The following SLC18A2 variants were observed in gnomAD, a reference collection of about 807,000 sequenced individuals.
SLC18A2 encodes solute carrier family 18 member A2, also known as synaptic vesicular amine transporter.
A neutral mutation model predicts 59.2 loss-of-function variants in SLC18A2; 33 were observed. The observed-to-expected ratio is 0.56, with a 90% CI of 0.42 to 0.75. The LOEUF (loss-of-function observed/expected upper bound fraction) is 0.75. Ranked by LOEUF, SLC18A2 falls within the 30% of genes least tolerant of loss-of-function variation. The pLI is 0.00. For synonymous variants in SLC18A2, 228 were observed against 253.5 expected, an observed-to-expected ratio of 0.90 and a Z score of 0.95; for missense variants, 569 against 668.6, an observed-to-expected ratio of 0.85 and a Z score of 1.64.
intron 2 of SLC18A2, 26 bp from the exon 3 acceptor site, chr10:117,243,945 C>A (rs1565000680): frequency 6.3e-7 from 1 of 1,583,130 alleles, no homozygotes; most frequent in African/African-American, 1.3e-5. Context: ...GTGATCACCA[C>A]CTTGCCATTC....
intron 10 of SLC18A2, among the ~76,000 whole-genome samples, 161 bp from the exon 11 acceptor site, chr10:117,266,572 C>T (rs1305202345): frequency 1.3e-5 from 2 of 152,228 alleles, no homozygotes; most frequent in Non-Finnish European, 2.9e-5. Context: ...CACGTGGGTC[C>T]AGACCGGATC....
chr10:117,259,519 A>G (rs1364996367), intron 10 of SLC18A2, among the ~76,000 whole-genome samples: 1 of 152,138 alleles, frequency 6.6e-6, no homozygotes, highest in Non-Finnish European at 1.5e-5. Flanking sequence ...AGCCTCCCAC[A>G]GCTTCCTGAG....
chr10:117,254,286 T>C, intron 5 of SLC18A2, 119 bp from the exon 6 acceptor site: 1 of 1,165,800 alleles, frequency 8.6e-7, no homozygotes, highest in South Asian at 1.4e-5. Flanking sequence ...TCTTACATTT[T>C]AGTGAATCTG....
intron 10 of SLC18A2, 63 bp from the exon 11 acceptor site, chr10:117,266,670 T>C (rs985382069): frequency 1.1e-5 from 14 of 1,260,594 alleles, no homozygotes; most frequent in Middle Eastern, 1.9e-4. Flanking sequence ...TCTACAGTTA[T>C]TACTTTTTCT....
At chr10:117,270,606 CTTCTT>C (rs1283445898) in intron 15 of SLC18A2, 143 bp downstream of exon 15, 4 of 869,248 alleles carry the variant, frequency 4.6e-6, no homozygotes, top group Non-Finnish European at 5.1e-6. Flanking sequence ...AGAGCAGTTA[CTTCTT>C]TTATTTTTTT....
chr10:117,263,169 C>A (rs1844313787), intron 10 of SLC18A2, among the ~76,000 whole-genome samples: 1 of 152,212 alleles, frequency 6.6e-6, no homozygotes, highest in South Asian at 2.1e-4. Context: ...CCTGTGTCAG[C>A]ACCAGCAGGA....
chr10:117,257,954 C>A, intron 10 of SLC18A2, 62 bp downstream of exon 10: 2 of 1,161,394 alleles, frequency 1.7e-6, no homozygotes, highest in Non-Finnish European at 2.5e-6. Flanking sequence ...GCCTTTGTCC[C>A]CAGGGCATCC....
At chr10:117,270,302 C>T (rs767842235) in intron 14 of SLC18A2, 28 bp from the exon 15 acceptor site, 1 of 1,613,992 alleles carries the variant, frequency 6.2e-7, no homozygotes. Context: ...TTTGGAAGAG[C>T]TTTATCTAAT....
At chr10:117,275,115 G>A (rs1844470589) in intron 15 of SLC18A2, among the ~76,000 whole-genome samples, 3 of 152,162 alleles carry the variant, frequency 2.0e-5, no homozygotes, top group South Asian at 4.1e-4. Flanking sequence ...TGTGTTACAT[G>A]GGGAGAACGG....
At chr10:117,273,282 C>A (rs1844447479) in intron 15 of SLC18A2, among the ~76,000 whole-genome samples, 1 of 152,146 alleles carries the variant, frequency 6.6e-6, no homozygotes, top group African/African-American at 2.4e-5. Context: ...CAGGAAATAT[C>A]AACATTACCA....
intron 3 of SLC18A2, among the ~76,000 whole-genome samples, chr10:117,246,134 CA>C (rs1428898413): frequency 6.6e-6 from 1 of 152,148 alleles, no homozygotes. Flanking sequence ...GGTATAATTA[CA>C]GAAAATAGCT....
intron 15 of SLC18A2, among the ~76,000 whole-genome samples, chr10:117,273,280 A>G (rs1844447372): frequency 6.6e-6 from 1 of 152,226 alleles, no homozygotes; most frequent in African/African-American, 2.4e-5. Context: ...TACAGGAAAT[A>G]TCAACATTAC....
Position 117,267,088 on chromosome 10 carries a change from C to G in SLC18A2, c.1122+53C>G, listed in dbSNP as rs180874169. ...GGGAACAATCTGTGAATAAAACTTG[C>G]GCTTTGGGCAAGAATCACCAAGAAA... On this transcript the variant is annotated intron_variant, in intron 12 of 15. Coordinates refer to ENST00000644641, the MANE Select transcript of SLC18A2 (RefSeq NM_003054.6). 1,357 of 1,397,002 alleles carry G rather than the reference C, an allele frequency of 9.7e-4. 1 individual carries two copies. The highest frequency in any genetic ancestry group is 1.3e-3 in the Non-Finnish European group (1,284 of 993,468). 86.5% of individuals were successfully genotyped at this position (1,397,002 alleles called of 1,614,324 possible).
At chr10:117,262,634 G>A (rs1160672028) in intron 10 of SLC18A2, among the ~76,000 whole-genome samples, 1 of 152,048 alleles carries the variant, frequency 6.6e-6, no homozygotes, top group Non-Finnish European at 1.5e-5. Context: ...CTGCTGTGTT[G>A]ACTTTGCATG....
chr10:117,260,804 T>C (rs952252544), intron 10 of SLC18A2, among the ~76,000 whole-genome samples: 15 of 152,188 alleles, frequency 9.9e-5, no homozygotes, highest in Admixed American at 4.6e-4. Context: ...ATTCATGGCA[T>C]GTCACAGAAC....
intron 9 of SLC18A2, among the ~76,000 whole-genome samples, chr10:117,257,507 T>G (rs1844243792): frequency 6.6e-6 from 1 of 152,160 alleles, no homozygotes; most frequent in Non-Finnish European, 1.5e-5. Context: ...GGGCTTCCTT[T>G]CTTCATTGAT....
At position 117,276,890 on chromosome 10, in the gene SLC18A2, T is replaced by C. The variant is rs75130097; in HGVS notation, c.1441-272T>C. On this transcript the variant is annotated intron_variant, in intron 15 of 15. Coordinates refer to ENST00000644641, the MANE Select transcript of SLC18A2 (RefSeq NM_003054.6). ...CCTAACCTGCCTGTCCCTTGCTTCA[T>C]AGAGTATAAGTTCCCAGAGTGGACT... Among the ~76,000 whole-genome samples the C allele has an allele frequency of 2.6e-5, 4 of 152,288 alleles. No individual in the cohort carries two copies. In the East Asian group the frequency reaches 7.7e-4, roughly 29 times the overall value.
chr10:117,267,856 C>A, intron 13 of SLC18A2, 120 bp downstream of exon 13: 1 of 676,212 alleles, frequency 1.5e-6, no homozygotes, highest in Non-Finnish European at 2.5e-6. Context: ...AAGGAGGCTG[C>A]AGGCAGCTTA....
At chr10:117,241,407 A>G (rs1479150733) in intron 1 of SLC18A2, among the ~76,000 whole-genome samples, 187 bp downstream of exon 1, 1 of 143,216 alleles carries the variant, frequency 7.0e-6, no homozygotes, top group East Asian at 2.3e-4. Flanking sequence ...GAGGTGGCAC[A>G]GTTGGGGGCG....
Sources: allele counts gnomAD v4.1 joint callset (sites outside exome capture counted in the v4.1 genomes callset), GRCh38; gene constraint gnomAD v4.1.1; transcripts MANE v1.5; gene names NCBI Gene and HGNC (gene_info 2026-07-23, HGNC 2026-07-21).